DCC: variants seen among roughly 807,000 people sequenced by gnomAD.
DCC encodes the protein netrin receptor DCC.
A neutral mutation model predicts 172.5 loss-of-function variants in DCC; 58 were observed. The observed-to-expected ratio is 0.34, with a 90% CI of 0.27 to 0.42. The LOEUF is 0.42. Ranked by LOEUF, DCC falls within the 10% of genes least tolerant of loss-of-function variation. The probability of loss-of-function intolerance (pLI) is 1.00; values close to 1 mark genes in which losing one functional copy is unlikely to be tolerated. For synonymous variants in DCC, 709 were observed against 644.5 expected (o/e 1.10, Z -1.52); for missense variants, 1,740 against 1,791.0 (o/e 0.97, Z 0.51).
In DCC at chr18:52,774,333, G is replaced by A. The variant is rs186478952; in HGVS notation, c.412+21959G>A. ...CAGTTTGATTGCAGTTGATGTGGCC[G>A]GCTGAATGTTGAAGACGCTTCAGTA... On this transcript the variant is annotated intron_variant, in intron 2 of 28. Coordinates refer to ENST00000442544, the MANE Select transcript of DCC (RefSeq NM_005215.4). Among the ~76,000 whole-genome samples the A allele has an allele frequency of 3.9e-4, 60 of 152,276 alleles. No individual in the cohort carries two copies. The East Asian group carries it at 0.01, about 25-fold the overall frequency.
At chr18:53,499,253 A>G in intron 26 of DCC, 45 bp from the exon 27 acceptor site, 3 of 1,599,864 alleles carry the variant, frequency 1.9e-6, no homozygotes, top group Non-Finnish European at 2.6e-6. Flanking sequence ...AGGAAAACAG[A>G]CTTTGTCCAG....
intron 2 of DCC, among the ~76,000 whole-genome samples, chr18:52,791,708 G>A (rs1019580994): frequency 1.3e-5 from 2 of 152,012 alleles, no homozygotes; most frequent in Non-Finnish European, 2.9e-5. Flanking sequence ...TTGCATTTAA[G>A]CATCTGTTGC....
At chr18:53,203,405 A>G (rs2055575223) in intron 9 of DCC, among the ~76,000 whole-genome samples, 1 of 152,070 alleles carries the variant, frequency 6.6e-6, no homozygotes, top group South Asian at 2.1e-4. Flanking sequence ...AATGGCAAGA[A>G]GGAAAAAAAA....
chr18:53,138,930 A>T (rs2043789412), intron 7 of DCC, among the ~76,000 whole-genome samples: 1 of 152,132 alleles, frequency 6.6e-6, no homozygotes, highest in Admixed American at 6.5e-5. Context: ...GCAGCTACAG[A>T]TGGTGTCAAT....
chr18:52,631,494 A>C (rs1454488688), intron 1 of DCC, among the ~76,000 whole-genome samples: 4 of 152,190 alleles, frequency 2.6e-5, no homozygotes, highest in Non-Finnish European at 5.9e-5. Context: ...TTCTTCACCC[A>C]GCCTTGCTAA....
At chr18:52,703,918 GGGGA>G (rs2036166185) in intron 1 of DCC, among the ~76,000 whole-genome samples, 1 of 152,106 alleles carries the variant, frequency 6.6e-6, no homozygotes, top group African/African-American at 2.4e-5. Flanking sequence ...ACTGAATCCA[GGGGA>G]TCTGATTTTG....
At chr18:52,355,930 T>C (rs944550027) in intron 1 of DCC, among the ~76,000 whole-genome samples, 2 of 152,118 alleles carry the variant, frequency 1.3e-5, no homozygotes, top group Non-Finnish European at 2.9e-5. Flanking sequence ...GTGGACACTG[T>C]TCTTTACATG....
intron 7 of DCC, among the ~76,000 whole-genome samples, chr18:53,091,611 C>T (rs550213379): frequency 4.6e-5 from 7 of 151,328 alleles, no homozygotes; most frequent in East Asian, 1.9e-4. Context: ...TATCCTCGTA[C>T]GGTGCAAAGA....
chr18:52,999,744 T>G (rs1045726852), intron 5 of DCC, among the ~76,000 whole-genome samples: 1 of 152,052 alleles, frequency 6.6e-6, no homozygotes, highest in East Asian at 1.9e-4. Flanking sequence ...TTATCATCCA[T>G]AATTTATGAA....
intron 2 of DCC, among the ~76,000 whole-genome samples, chr18:52,881,841 C>A (rs910756236): frequency 2.6e-5 from 4 of 151,906 alleles, no homozygotes; most frequent in Non-Finnish European, 4.4e-5. Flanking sequence ...GTGAAGAATG[C>A]CATTTGTGCT....
At chr18:53,515,995 A>C (rs1410667997) in intron 27 of DCC, among the ~76,000 whole-genome samples, 5 of 149,414 alleles carry the variant, frequency 3.3e-5, no homozygotes, top group Non-Finnish European at 5.9e-5. Context: ...TCACCGAGTC[A>C]ATCCTAAGCC....
At chr18:52,446,671 T>C (rs1988133918) in intron 1 of DCC, among the ~76,000 whole-genome samples, 1 of 152,226 alleles carries the variant, frequency 6.6e-6, no homozygotes, top group Middle Eastern at 3.2e-3. Context: ...GCATTCTCCT[T>C]CTAGCCACTA....
intron 5 of DCC, among the ~76,000 whole-genome samples, chr18:53,020,901 C>G (rs939697293): frequency 2.6e-5 from 4 of 151,574 alleles, no homozygotes; most frequent in Non-Finnish European, 5.9e-5. Flanking sequence ...TAGCTCATTA[C>G]CACCTCTAGA....
chr18:53,293,805 C>T (rs981250538), intron 12 of DCC, among the ~76,000 whole-genome samples: 7 of 152,030 alleles, frequency 4.6e-5, no homozygotes, highest in Non-Finnish European at 8.8e-5. Context: ...GATAGAGCTC[C>T]GAGCTTCATA....
chr18:53,164,801 T>C (rs967016464), intron 8 of DCC, among the ~76,000 whole-genome samples: 3 of 152,176 alleles, frequency 2.0e-5, no homozygotes, highest in Non-Finnish European at 4.4e-5. Flanking sequence ...TTAACTCTTA[T>C]TTAGAGAGGA....
chr18:53,111,204 A>T (rs1330379565), intron 7 of DCC, among the ~76,000 whole-genome samples: 3 of 140,618 alleles, frequency 2.1e-5, no homozygotes, highest in South Asian at 2.3e-4. Flanking sequence ...AACAATGAGA[A>T]CACATGGACA....
intron 26 of DCC, among the ~76,000 whole-genome samples, chr18:53,493,873 T>C (rs554790508): frequency 2.6e-5 from 4 of 152,304 alleles, no homozygotes; most frequent in Non-Finnish European, 5.9e-5. Context: ...TGCTAGCTTT[T>C]GAATTTGTTT....
chr18:52,994,293 A>G (rs140569950), intron 5 of DCC, among the ~76,000 whole-genome samples: 1 of 152,130 alleles, frequency 6.6e-6, no homozygotes, highest in Non-Finnish European at 1.5e-5. Flanking sequence ...ATCTTTCTCA[A>G]AATTTCCACC....
At position 53,391,692 on chromosome 18, in the gene DCC, T is replaced by A; in HGVS notation, c.2493T>A (p.Asp831Glu). The change falls in exon 17 of 29, where the codon GAT (aspartate) becomes GAA (glutamate). Residue 831 changes from aspartate (D) to glutamate (E), a missense_variant. Asp to Glu is a conservative substitution (Grantham distance 45). Around this residue, in one of 2 missense-constraint regions of DCC, gnomAD observed 1,732 missense variants for 1,767.4 expected, o/e 0.98. Coordinates refer to ENST00000442544, the MANE Select transcript of DCC (RefSeq NM_005215.4). ...CAGTTGATTATTATCCTTTGCTTGATGATTTCCCCACCTCGGTCCCAGATC... is the reference window on the plus strand; with the variant it reads ...CAGTTGATTATTATCCTTTGCTTGAAGATTTCCCCACCTCGGTCCCAGATC... ...TDPVDYYPLL[D>E]DFPTSVPDLS... The A allele has an allele frequency of 1.2e-6, 2 of 1,614,138 alleles. No homozygotes were observed. Among genetic ancestry groups the A allele is most frequent in the Non-Finnish European group, 1.7e-6 (2 of 1,179,990 alleles).
Sources: gnomAD v4.1 joint callset for allele counts (sites outside exome capture counted in the v4.1 genomes callset) on GRCh38, gnomAD v4.1.1 for gene constraint, gnomAD v4.1.1 regional missense constraint, MANE v1.5 for transcripts, NCBI Gene and HGNC (gene_info 2026-07-23, HGNC 2026-07-21) for gene names.